The following RPTOR variants were observed in gnomAD, a reference collection of about 807,000 sequenced individuals.
RPTOR encodes regulatory-associated protein of mTOR.
RPTOR carries 21 observed loss-of-function variants against 169.9 expected under a neutral mutation model. That is an observed-to-expected ratio of 0.12 (90% confidence interval 0.09 to 0.18). RPTOR has a LOEUF of 0.18. Among genes scored for constraint, RPTOR ranks in the 10% least tolerant of loss-of-function variants. RPTOR has a pLI of 1.00. For missense variants in RPTOR, 1,133 were observed against 1,855.9 expected (o/e 0.61, Z 7.16); for synonymous variants, 732 against 753.2 (o/e 0.97, Z 0.46).
chr17:80,619,217 T>G (rs1221913177), intron 1 of RPTOR, among the ~76,000 whole-genome samples: 5 of 152,096 alleles, frequency 3.3e-5, no homozygotes, highest in Non-Finnish European at 7.4e-5. Flanking sequence ...TCCACAACTC[T>G]CAGTTGTTGA....
In RPTOR at chr17:80,823,078, G is replaced by T. The variant is rs1448318045; in HGVS notation, c.992-1G>T. ...CCTTTTTATCTTTTATCTGCCCTCA[G>T]ATCTCTTCCAAAAGCTCTTCAGACA... On this transcript the variant is annotated splice_acceptor_variant, in intron 8 of 33. Coordinates refer to ENST00000306801, the MANE Select transcript of RPTOR (RefSeq NM_020761.3). LOFTEE classifies it high-confidence loss of function. The surrounding 1 kb of genome is among the most constrained non-coding windows in gnomAD (Gnocchi z 4.5). 6.2e-7 allele frequency: 1 copy of T among 1,614,124 alleles called. No individual in the cohort carries two copies. Among genetic ancestry groups the T allele is most frequent in the Non-Finnish European group, 8.5e-7 (1 of 1,179,998 alleles).
chr17:80,650,804 C>T (rs181195058), intron 3 of RPTOR, among the ~76,000 whole-genome samples: 1 of 152,234 alleles, frequency 6.6e-6, no homozygotes, highest in Admixed American at 6.5e-5. Flanking sequence ...AGTCTTGCTG[C>T]CTTAAGCCCC....
At chr17:80,763,821 A>C (rs180780425) in intron 6 of RPTOR, among the ~76,000 whole-genome samples, 3 of 152,254 alleles carry the variant, frequency 2.0e-5, no homozygotes, top group African/African-American at 7.2e-5. Context: ...AAAGTCTGAA[A>C]ACTAAAATCT....
intron 13 of RPTOR, among the ~76,000 whole-genome samples, chr17:80,871,230 C>T (rs1262274045): frequency 6.6e-5 from 10 of 152,140 alleles, no homozygotes; most frequent in African/African-American, 2.4e-4. Context: ...CTCAGCCTCC[C>T]GAGTAGCTGG....
At chr17:80,756,649 C>T (rs923082364) in intron 6 of RPTOR, among the ~76,000 whole-genome samples, 1 of 152,066 alleles carries the variant, frequency 6.6e-6, no homozygotes. Flanking sequence ...GCTCATAGTA[C>T]CCAGTTTAGC....
chr17:80,754,251 A>G lies in RPTOR; in HGVS notation c.830+66A>G. On this transcript the variant is annotated intron_variant, in intron 6 of 33. Coordinates refer to ENST00000306801, the MANE Select transcript of RPTOR (RefSeq NM_020761.3). The surrounding 1 kb of genome is among the most constrained non-coding windows in gnomAD (Gnocchi z 4.2). ...GGCTCTCCCGCAGGGACCCCAACCC[A>G]TGTGGGCCCCAGGCATTCACCTGGT... is the stretch of plus-strand genomic sequence containing the variant. 2 of 1,455,382 alleles carry G rather than the reference A, an allele frequency of 1.4e-6. No homozygotes were observed. The highest frequency in any genetic ancestry group is 1.4e-5 in the South Asian group (1 of 73,892). 90.2% of individuals were successfully genotyped at this position (1,455,382 alleles called of 1,614,324 possible). A position where few individuals can be genotyped will look rare whatever the true frequency, so the allele number is the denominator to read the frequency against.
In RPTOR at chr17:80,823,457, C is replaced by T. The variant is rs1335918428; in HGVS notation, c.1136+234C>T. The T allele has an allele frequency of 1.6e-5, 7 of 446,546 alleles. No individual in the cohort carries two copies. The highest frequency in any genetic ancestry group is 2.0e-5 in the African/African-American group (1 of 50,980). The allele number at this position is 446,546 out of a possible 1,614,324, so 27.7% of individuals were successfully genotyped here. A position where few individuals can be genotyped will look rare whatever the true frequency, so the allele number is the denominator to read the frequency against. ...GCCTTTTAGGACTGCACGGGAGCAGCGGCCGGCTGAAGCCTCACAGCTCTG... is the reference window on the plus strand; with the variant it reads ...GCCTTTTAGGACTGCACGGGAGCAGTGGCCGGCTGAAGCCTCACAGCTCTG... On this transcript the variant is annotated intron_variant, in intron 9 of 33. Coordinates refer to ENST00000306801, the MANE Select transcript of RPTOR (RefSeq NM_020761.3). This position sits in a 1 kb window ranked among gnomAD's most constrained non-coding sequence, Gnocchi z 4.5.
intron 13 of RPTOR, among the ~76,000 whole-genome samples, chr17:80,879,623 G>A (rs914280550): frequency 3.9e-5 from 6 of 152,064 alleles, no homozygotes; most frequent in Non-Finnish European, 7.4e-5. Context: ...GGTGCCTCTC[G>A]CTGCTCCTTC....
intron 3 of RPTOR, among the ~76,000 whole-genome samples, chr17:80,700,664 G>GTAGAGA (rs2066084555): frequency 1.7e-4 from 1 of 5,858 alleles, no homozygotes; most frequent in Non-Finnish European, 4.5e-4. Context: ...AGAGATGATG[G>GTAGAGA]TGATGGTGAT....
chr17:80,656,167 T>G (rs2065678175), intron 3 of RPTOR, among the ~76,000 whole-genome samples: 1 of 152,158 alleles, frequency 6.6e-6, no homozygotes, highest in Non-Finnish European at 1.5e-5. Flanking sequence ...GCCTCCCAGG[T>G]TGAAGCGATT....
intron 13 of RPTOR, among the ~76,000 whole-genome samples, chr17:80,877,601 C>G (rs1206061303): frequency 1.3e-5 from 2 of 152,184 alleles, no homozygotes; most frequent in Non-Finnish European, 2.9e-5. Context: ...GTGTGGGCTT[C>G]GATTTGACTT....
intron 28 of RPTOR, among the ~76,000 whole-genome samples, chr17:80,955,867 G>C (rs781438369): frequency 9.2e-5 from 14 of 152,206 alleles, no homozygotes. Context: ...GCAAGGACAC[G>C]TGAAGTTGTT....
In RPTOR at chr17:80,746,089, G is replaced by T. The variant is rs1010924402; in HGVS notation, c.655-7921G>T. ...AGGCGGGAGAATCGCTTGAACCCAG[G>T]AGGTGGAGGTTGCAGTGAGCTGAGA... On this transcript the variant is annotated intron_variant, in intron 5 of 33. Coordinates refer to ENST00000306801, the MANE Select transcript of RPTOR (RefSeq NM_020761.3). This position sits in a 1 kb window ranked among gnomAD's most constrained non-coding sequence, Gnocchi z 4.5. 6.6e-6 allele frequency among the ~76,000 whole-genome samples: 1 copy of T among 151,910 alleles called. No homozygotes were observed. The highest frequency in any genetic ancestry group is 1.5e-5 in the Non-Finnish European group (1 of 68,002).
Position 80,744,407 on chromosome 17 carries a change from T to G in RPTOR, c.655-9603T>G, listed in dbSNP as rs1440593963. On this transcript the variant is annotated intron_variant, in intron 5 of 33. Coordinates refer to ENST00000306801, the MANE Select transcript of RPTOR (RefSeq NM_020761.3). ...TGGTTACGAGCACTGTCCTGGCTACTAGCACAGCCCTGGCTACTAGCACAG... is the reference window on the plus strand; with the variant it reads ...TGGTTACGAGCACTGTCCTGGCTACGAGCACAGCCCTGGCTACTAGCACAG... 1.1e-4 allele frequency among the ~76,000 whole-genome samples: 10 copies of G among 93,758 alleles called. 2 individuals are homozygous for G. Among genetic ancestry groups the G allele is most frequent in the African/African-American group, 4.1e-4 (6 of 14,814 alleles). The allele number at this position is 93,758 out of a possible 152,430, so 61.5% of individuals were successfully genotyped here.
chr17:80,873,822 G>T (rs1017169277), intron 13 of RPTOR, among the ~76,000 whole-genome samples: 2 of 152,242 alleles, frequency 1.3e-5, no homozygotes, highest in Non-Finnish European at 2.9e-5. Context: ...ACATGTGGGA[G>T]GGCATTGCTT....
rs772968444 is a variant in RPTOR at position 80,709,980 on chromosome 17, CTT to C, written c.507+1994_507+1995del. 1.5e-3 allele frequency among the ~76,000 whole-genome samples: 221 copies of C among 143,326 alleles called. 2 individuals carry two copies. Among genetic ancestry groups the C allele is most frequent in the Non-Finnish European group, 1.3e-3 (82 of 65,096 alleles). 94.0% of individuals were successfully genotyped at this position (143,326 alleles called of 152,430 possible). The stretch of plus-strand genomic sequence containing the variant: ...CTTACACTCCTGATAACTTACAAAA[CTT>C]TTTTTTTTTTTTGAAACAGGGTCTC... On this transcript the variant is annotated intron_variant, in intron 4 of 33. Transcript: ENST00000306801.
At chr17:80,589,596 T>C (rs182476803) in intron 1 of RPTOR, among the ~76,000 whole-genome samples, 8 of 152,364 alleles carry the variant, frequency 5.3e-5, no homozygotes, top group African/African-American at 1.9e-4. Context: ...TAATTTTTCA[T>C]GTAGAAGTTT....
At chr17:80,922,868 C>G (rs1277426802) in intron 22 of RPTOR, 41 bp downstream of exon 22, 2 of 1,511,708 alleles carry the variant, frequency 1.3e-6, no homozygotes, top group Non-Finnish European at 1.8e-6. Context: ...GTGGTGGTGA[C>G]CGGGGCCCCA....
intron 2 of RPTOR, among the ~76,000 whole-genome samples, chr17:80,639,371 A>G (rs2143584937): frequency 2.0e-5 from 3 of 152,112 alleles, no homozygotes; most frequent in Admixed American, 2.0e-4. Flanking sequence ...TGGGGCTTTC[A>G]GTGTGAACTT....
Sources: allele counts gnomAD v4.1 joint callset (sites outside exome capture counted in the v4.1 genomes callset), GRCh38; gene constraint gnomAD v4.1.1; non-coding constraint Gnocchi (gnomAD v3.1); transcripts MANE v1.5; gene names NCBI Gene and HGNC (gene_info 2026-07-23, HGNC 2026-07-21).